NOS1: variants seen among roughly 807,000 people sequenced by gnomAD.
NOS1 encodes the protein nitric oxide synthase 1.
A neutral mutation model predicts 164.5 loss-of-function variants in NOS1; 51 were observed. The observed-to-expected ratio is 0.31, with a 90% CI of 0.25 to 0.39. NOS1 has a LOEUF of 0.39. NOS1 is among the 10% of genes least tolerant of loss of function. The pLI is 1.00. For synonymous variants in NOS1, 719 were observed against 745.8 expected (o/e 0.96, Z 0.59); for missense variants, 1,362 against 1,885.6 (o/e 0.72, Z 5.14).
At chr12:117,254,146 C>T (rs994087317) in intron 16 of NOS1, among the ~76,000 whole-genome samples, 11 of 152,028 alleles carry the variant, frequency 7.2e-5, no homozygotes, top group Admixed American at 3.9e-4. Context: ...TCACTCTTGT[C>T]GCCTGGGCTG....
intron 1 of NOS1, among the ~76,000 whole-genome samples, chr12:117,341,068 G>C (rs1876089419): frequency 6.6e-6 from 1 of 151,826 alleles, no homozygotes; most frequent in Non-Finnish European, 1.5e-5. Context: ...CCATAGACTA[G>C]GTAAGTGCCC....
Position 117,211,374 on chromosome 12 carries a change from A to G in NOS1, c.*3935T>C, listed in dbSNP as rs1383863574. 1 of 985,318 alleles carries G rather than the reference A, an allele frequency of 1.0e-6. No homozygotes were observed. Among genetic ancestry groups the G allele is most frequent in the African/African-American group, 1.7e-5 (1 of 57,246 alleles). 61.0% of individuals were successfully genotyped at this position (985,318 alleles called of 1,614,324 possible). On this transcript the variant is annotated 3_prime_UTR_variant, in exon 29 of 29. Transcript: ENST00000317775. ...CTACATCCGCCTCTTCCCTCACTCA[A>G]GCCTTGGTTGCAGCAATAACCCCCC...
intron 16 of NOS1, among the ~76,000 whole-genome samples, 168 bp from the exon 17 acceptor site, chr12:117,253,922 T>A (rs816345): frequency 0.55 from 83,245 of 151,858 alleles, 25,198 homozygotes; most frequent in African/African-American, 0.81. Flanking sequence ...CAACTTACCC[T>A]TGTCCACCAC....
At chr12:117,264,071 T>C (rs914746897) in intron 12 of NOS1, 97 bp from the exon 13 acceptor site, 4 of 708,274 alleles carry the variant, frequency 5.6e-6, no homozygotes, top group Non-Finnish European at 6.7e-6. Context: ...TGTGACTGCC[T>C]GACCCTCGGC....
At chr12:117,279,066 A>G (rs1469850709) in intron 8 of NOS1, among the ~76,000 whole-genome samples, 1 of 151,958 alleles carries the variant, frequency 6.6e-6, no homozygotes, top group East Asian at 1.9e-4. Flanking sequence ...TATCCATATT[A>G]TTACTATTTC....
intron 3 of NOS1, among the ~76,000 whole-genome samples, chr12:117,301,319 C>CAG (rs35405377): frequency 0.14 from 21,543 of 152,078 alleles, 1,942 homozygotes; most frequent in East Asian, 0.43. Flanking sequence ...TTAGTAGAAA[C>CAG]GGTTTCACCA....
chr12:117,293,681 C>T lies in NOS1; in HGVS notation c.853-3255G>A, dbSNP rs528764200. Reference sequence around the variant, plus strand: ...ATTATTACTTGTATTATTATTACTACTTGTATTATTACTTGTATTACTATT... The same window carrying T: ...ATTATTACTTGTATTATTATTACTATTTGTATTATTACTTGTATTACTATT... On this transcript the variant is annotated intron_variant, in intron 3 of 28. Coordinates refer to ENST00000317775, the MANE Select transcript of NOS1 (RefSeq NM_000620.5). Among the ~76,000 whole-genome samples, 17 of 151,414 alleles carry T rather than the reference C, an allele frequency of 1.1e-4. No homozygotes were observed. The South Asian group carries it at 3.5e-3, about 32-fold the overall frequency.
In NOS1 at chr12:117,356,338, G is replaced by A. The variant is rs1240849501; in HGVS notation, c.-421+5174C>T. On this transcript the variant is annotated intron_variant, in intron 1 of 28. Transcript: ENST00000317775. This position sits in a 1 kb window ranked among gnomAD's most constrained non-coding sequence, Gnocchi z 4.2. Reference sequence around the variant, plus strand: ...ACCTGGCTGCTGCTGGCCCAGTTTGGCACTGGGGACCCCAACCCTGAGAGG... The same window carrying A: ...ACCTGGCTGCTGCTGGCCCAGTTTGACACTGGGGACCCCAACCCTGAGAGG... Among the ~76,000 whole-genome samples the A allele has an allele frequency of 6.6e-6, 1 of 152,106 alleles. No homozygotes were observed. Among genetic ancestry groups the A allele is most frequent in the African/African-American group, 2.4e-5 (1 of 41,412 alleles).
intron 2 of NOS1, among the ~76,000 whole-genome samples, chr12:117,327,370 G>A (rs575353360): frequency 6.6e-6 from 1 of 152,322 alleles, no homozygotes; most frequent in South Asian, 2.1e-4. Context: ...TAAGGCCAAT[G>A]CCTTCCGTTC....
chr12:117,247,951 AAAAAAAAAAGAAAAG>A (rs1380562024), intron 17 of NOS1, among the ~76,000 whole-genome samples: 1 of 150,654 alleles, frequency 6.6e-6, no homozygotes, highest in East Asian at 1.9e-4. Context: ...GTCTAAAAAA[AAAAAAAAAAGAAAAG>A]AAAAAGAAAA....
chr12:117,259,933 C>T (rs891287327), intron 14 of NOS1, among the ~76,000 whole-genome samples: 11 of 152,048 alleles, frequency 7.2e-5, no homozygotes, highest in African/African-American at 2.7e-4. Flanking sequence ...TCCTGGCTAA[C>T]ACAGTGAAGC....
intron 3 of NOS1, among the ~76,000 whole-genome samples, chr12:117,293,794 C>T (rs1414458500): frequency 6.6e-6 from 1 of 152,062 alleles, no homozygotes; most frequent in Non-Finnish European, 1.5e-5. Context: ...ACACTGGGAG[C>T]ATGATAAAGG....
intron 1 of NOS1, among the ~76,000 whole-genome samples, chr12:117,347,488 C>T (rs908634114): frequency 6.6e-6 from 1 of 152,120 alleles, no homozygotes; most frequent in African/African-American, 2.4e-5. Flanking sequence ...TCTGGTTCCC[C>T]TGCAAAACCC....
chr12:117,299,132 C>G (rs1593002206), intron 3 of NOS1, among the ~76,000 whole-genome samples: 1 of 152,196 alleles, frequency 6.6e-6, no homozygotes, highest in Non-Finnish European at 1.5e-5. Flanking sequence ...CTCTCCCGGG[C>G]AGCAAGCATA....
At chr12:117,311,878 G>A (rs1874452056) in intron 2 of NOS1, among the ~76,000 whole-genome samples, 1 of 152,148 alleles carries the variant, frequency 6.6e-6, no homozygotes, top group African/African-American at 2.4e-5. Context: ...CAAGGAGAAG[G>A]ATTTTGCTTG....
At position 117,234,891 on chromosome 12, in the gene NOS1, T is replaced by C; in HGVS notation, c.3042-133A>G. On this transcript the variant is annotated intron_variant, in intron 20 of 28. Transcript: ENST00000317775. This position sits in a 1 kb window ranked among gnomAD's most constrained non-coding sequence, Gnocchi z 4.3. ...TGTTGGGGCCCGTGCTAACCAAGCC[T>C]ATGCCCCCATCATTCTATTATTATT... 1 of 568,596 alleles carries C rather than the reference T, an allele frequency of 1.8e-6. No homozygotes were observed. The highest frequency in any genetic ancestry group is 3.0e-6 in the Non-Finnish European group (1 of 333,640). 35.2% of individuals were successfully genotyped at this position (568,596 alleles called of 1,614,324 possible).
At chr12:117,345,914 T>C (rs1422471288) in intron 1 of NOS1, among the ~76,000 whole-genome samples, 2 of 152,288 alleles carry the variant, frequency 1.3e-5, no homozygotes, top group South Asian at 4.2e-4. Flanking sequence ...TGGCACATAA[T>C]AGGTACTCAG....
intron 3 of NOS1, among the ~76,000 whole-genome samples, chr12:117,303,226 G>A (rs1379330680): frequency 6.6e-6 from 1 of 152,138 alleles, no homozygotes; most frequent in East Asian, 1.9e-4. Flanking sequence ...GCAGTAGCAG[G>A]CCAGTTGGTG....
intron 1 of NOS1, among the ~76,000 whole-genome samples, chr12:117,344,281 T>C (rs1023476514): frequency 6.6e-6 from 1 of 152,228 alleles, no homozygotes. Context: ...CTAGTAAGCA[T>C]GAAATAAGTA....
Sources: allele counts gnomAD v4.1 joint callset (sites outside exome capture counted in the v4.1 genomes callset), GRCh38; gene constraint gnomAD v4.1.1; non-coding constraint Gnocchi (gnomAD v3.1); transcripts MANE v1.5; gene names NCBI Gene and HGNC (gene_info 2026-07-23, HGNC 2026-07-21).